Variants in ANKS1B observed in about 807,000 individuals in gnomAD.
ANKS1B encodes ankyrin repeat and sterile alpha motif domain containing 1B.
ANKS1B carries 36 observed loss-of-function variants against 148.3 expected under a neutral mutation model. That is an observed-to-expected ratio of 0.24 (90% CI 0.19 to 0.32). ANKS1B has a LOEUF of 0.32. Ranked by LOEUF, ANKS1B falls within the 10% of genes least tolerant of loss-of-function variation. ANKS1B has a pLI of 1.00. For synonymous variants in ANKS1B, 542 were observed against 560.8 expected (o/e 0.97, Z 0.47); for missense variants, 1,157 against 1,542.6 (o/e 0.75, Z 4.19).
At chr12:99,040,139 C>T (rs964131820) in intron 17 of ANKS1B, among the ~76,000 whole-genome samples, 10 of 152,122 alleles carry the variant, frequency 6.6e-5, no homozygotes, top group African/African-American at 2.2e-4. Context: ...TGAAGTAGGT[C>T]TGGCCATGGG....
At chr12:99,945,928 G>A (rs553278181) in intron 1 of ANKS1B, among the ~76,000 whole-genome samples, 1 of 152,192 alleles carries the variant, frequency 6.6e-6, no homozygotes, top group South Asian at 2.1e-4. Context: ...CTGGTGTTTG[G>A]CTCCCCGAAC....
At chr12:99,760,662 A>G (rs898302064) in intron 8 of ANKS1B, among the ~76,000 whole-genome samples, 4 of 151,776 alleles carry the variant, frequency 2.6e-5, no homozygotes, top group Non-Finnish European at 5.9e-5. Context: ...AGAACAAATC[A>G]GAAGAAAAGA....
intron 3 of ANKS1B, among the ~76,000 whole-genome samples, chr12:99,808,448 ACT>A (rs2153663730): frequency 6.6e-6 from 1 of 152,092 alleles, no homozygotes; most frequent in South Asian, 2.1e-4. Context: ...GGAAAAATCT[ACT>A]CTTTCAAGAC....
intron 1 of ANKS1B, among the ~76,000 whole-genome samples, chr12:99,935,934 C>T (rs1393936444): frequency 2.0e-5 from 3 of 152,088 alleles, no homozygotes; most frequent in Admixed American, 6.5e-5. Context: ...CTCACAGTTC[C>T]GCATGGCTGA....
At chr12:99,361,085 C>T (rs1307982181) in intron 12 of ANKS1B, among the ~76,000 whole-genome samples, 6 of 151,920 alleles carry the variant, frequency 3.9e-5, no homozygotes, top group Non-Finnish European at 5.9e-5. Context: ...CAGTCAACAA[C>T]AACTTAATTG....
chr12:98,870,439 G>A (rs1399740952), intron 17 of ANKS1B, among the ~76,000 whole-genome samples: 1 of 152,202 alleles, frequency 6.6e-6, no homozygotes, highest in Non-Finnish European at 1.5e-5. Context: ...GAGCTTTGGG[G>A]AGCATGTGTT....
intron 17 of ANKS1B, among the ~76,000 whole-genome samples, chr12:99,039,497 C>T (rs989778758): frequency 6.6e-6 from 1 of 152,146 alleles, no homozygotes; most frequent in African/African-American, 2.4e-5. Context: ...GGTGGAGAGG[C>T]GCGATGAACC....
At chr12:99,367,264 G>A (rs896995343) in intron 12 of ANKS1B, among the ~76,000 whole-genome samples, 1 of 152,006 alleles carries the variant, frequency 6.6e-6, no homozygotes, top group African/African-American at 2.4e-5. Context: ...AAAGACGTGG[G>A]CATTTCATAA....
chr12:99,091,609 T>C, intron 15 of ANKS1B, among the ~76,000 whole-genome samples: 1 of 152,196 alleles, frequency 6.6e-6, no homozygotes, highest in East Asian at 1.9e-4. Context: ...CAAAACTTTT[T>C]TGTATGCTCT....
At chr12:99,698,561 T>C (rs1169574730) in intron 8 of ANKS1B, among the ~76,000 whole-genome samples, 1 of 152,066 alleles carries the variant, frequency 6.6e-6, no homozygotes, top group Non-Finnish European at 1.5e-5. Flanking sequence ...AATAAATCCA[T>C]GACTTAAGAA....
At chr12:99,042,429 C>T (rs2099959666) in intron 17 of ANKS1B, among the ~76,000 whole-genome samples, 1 of 152,162 alleles carries the variant, frequency 6.6e-6, no homozygotes, top group Non-Finnish European at 1.5e-5. Context: ...AAGACTAGAG[C>T]CAACTGCCAG....
chr12:98,893,357 C>T (rs931792247), intron 17 of ANKS1B, among the ~76,000 whole-genome samples: 3 of 152,204 alleles, frequency 2.0e-5, no homozygotes, highest in African/African-American at 7.2e-5. Context: ...CCAGCGGCAT[C>T]CCCTTGCACG....
At chr12:99,958,993 T>C (rs1302130491) in intron 1 of ANKS1B, among the ~76,000 whole-genome samples, 4 of 151,842 alleles carry the variant, frequency 2.6e-5, no homozygotes, top group Admixed American at 2.6e-4. Flanking sequence ...GAGAAATGAA[T>C]TACAGATACA....
chr12:98,745,956 G>C, intron 26 of ANKS1B, 107 bp from the exon 27 acceptor site: 1 of 1,236,768 alleles, frequency 8.1e-7, no homozygotes, highest in Non-Finnish European at 1.1e-6. Flanking sequence ...CCCAGGCGCG[G>C]GGCGGCGATG....
chr12:99,530,768 T>C (rs1567285870), intron 9 of ANKS1B, among the ~76,000 whole-genome samples: 1 of 152,172 alleles, frequency 6.6e-6, no homozygotes, highest in Non-Finnish European at 1.5e-5. Context: ...CACAGCTTCA[T>C]ACCACTTCTA....
chr12:99,429,195 G>A (rs557585894), intron 11 of ANKS1B, among the ~76,000 whole-genome samples: 20 of 152,226 alleles, frequency 1.3e-4, no homozygotes, highest in Non-Finnish European at 2.5e-4. Context: ...ACCTTACAAT[G>A]GAGAAGTCTG....
chr12:99,623,257 T>C (rs940336787), intron 9 of ANKS1B, among the ~76,000 whole-genome samples: 5 of 151,940 alleles, frequency 3.3e-5, no homozygotes, highest in African/African-American at 9.7e-5. Flanking sequence ...GGAAGCTACC[T>C]TAAAATAATG....
chr12:99,692,668 C>CAA (rs71088139), intron 8 of ANKS1B, among the ~76,000 whole-genome samples: 3,206 of 128,376 alleles, frequency 0.025, 123 homozygotes, highest in African/African-American at 0.079. Context: ...AAGATTCTGT[C>CAA]AAAAAAAAAA....
At chr12:99,719,171 T>A (rs921842696) in intron 8 of ANKS1B, among the ~76,000 whole-genome samples, 5 of 152,158 alleles carry the variant, frequency 3.3e-5, no homozygotes, top group African/African-American at 4.8e-5. Context: ...CTTTAATACT[T>A]TTAGAGGCCC....
Sources: gnomAD v4.1 joint callset for allele counts (sites outside exome capture counted in the v4.1 genomes callset) on GRCh38, gnomAD v4.1.1 for gene constraint, MANE v1.5 for transcripts, NCBI Gene and HGNC (gene_info 2026-07-23, HGNC 2026-07-21) for gene names.